Variants in EDEM1 observed in about 807,000 individuals in gnomAD.
EDEM1 encodes the protein ER degradation-enhancing alpha-mannosidase-like protein 1.
A neutral mutation model predicts 74.4 loss-of-function variants in EDEM1; 67 were observed. The ratio of observed to expected loss-of-function variants is 0.90; its 90% CI spans 0.74 to 1.10. EDEM1 has a LOEUF of 1.10. Ranked by LOEUF, EDEM1 falls within the 50% of genes least tolerant of loss-of-function variation. The probability of loss-of-function intolerance (pLI) is 0.00; values close to 1 mark genes in which losing one functional copy is unlikely to be tolerated. For synonymous variants in EDEM1, 382 were observed against 335.9 expected (o/e 1.14, Z -1.50); for missense variants, 926 against 851.6 (o/e 1.09, Z -1.09).
intron 7 of EDEM1, among the ~76,000 whole-genome samples, 165 bp downstream of exon 7, chr3:5,207,438 A>G (rs1317766311): frequency 6.6e-6 from 1 of 152,178 alleles, no homozygotes; most frequent in African/African-American, 2.4e-5. Context: ...AGTCTCCAGA[A>G]TATTGAACAG....
At position 5,208,129 on chromosome 3, in the gene EDEM1, C is replaced by A. The variant is rs1303576853; in HGVS notation, c.1375C>A (p.His459Asn). 3 of 1,607,512 alleles carry A rather than the reference C, an allele frequency of 1.9e-6. No homozygotes were observed. The highest frequency in any genetic ancestry group is 2.5e-6 in the Non-Finnish European group (3 of 1,178,296). The change falls in exon 8 of 12, where the codon CAT (histidine) becomes AAT (asparagine). Residue 459 changes from histidine (H) to asparagine (N), a missense_variant. His to Asn is a moderately conservative substitution (Grantham distance 68). Coordinates refer to ENST00000256497, the MANE Select transcript of EDEM1 (RefSeq NM_014674.3). ...IGDVEDAICLHAFYYAIWKRY... is the reference protein window; with the variant it reads ...IGDVEDAICLNAFYYAIWKRY... ...AGATGTGGAAGATGCCATCTGCCTT[C>A]ATGCCTTCTACTATGCCATATGGAA...
intron 3 of EDEM1, among the ~76,000 whole-genome samples, chr3:5,201,397 C>G (rs1438279125): frequency 6.6e-6 from 1 of 152,074 alleles, no homozygotes; most frequent in African/African-American, 2.4e-5. Flanking sequence ...TCAAGAGATG[C>G]ATCTCTCTTG....
chr3:5,210,971 A>G lies in EDEM1; in HGVS notation c.1584-149A>G, dbSNP rs1281822610. 66 of 724,028 alleles carry G rather than the reference A, an allele frequency of 9.1e-5. No individual in the cohort carries two copies. The East Asian group carries it at 1.8e-3, about 20-fold the overall frequency. The allele number at this position is 724,028 out of a possible 1,614,324, so 44.9% of individuals were successfully genotyped here. On this transcript the variant is annotated intron_variant, in intron 9 of 11. Coordinates refer to ENST00000256497, the MANE Select transcript of EDEM1 (RefSeq NM_014674.3). ...TAAATTTGCAAACAACCCAGGCTAT[A>G]AAAAAGGAGAGCCCCTCAATGTAAA... is the stretch of plus-strand genomic sequence containing the variant.
chr3:5,188,366 C>T, intron 1 of EDEM1, 52 bp downstream of exon 1: 1 of 1,364,526 alleles, frequency 7.3e-7, no homozygotes, highest in Non-Finnish European at 9.5e-7. Context: ...TCCTTCCGCC[C>T]TCCGCGCCGG....
Position 5,199,624 on chromosome 3 carries a change from C to A in EDEM1, c.615C>A (p.Ala205=), listed in dbSNP as rs410509. ...IMGNSSEFQK[A]VKLVINTVSF... is the part of the protein sequence containing the mutation. ...GAAATTCATCCGAGTTCCAGAAAGC[C>A]GTCAAGTTAGTGATCAACACAGTTT... Residue 205 remains alanine, a synonymous_variant, in exon 3 of 12, where the codon GCC becomes GCA. Coordinates refer to ENST00000256497, the MANE Select transcript of EDEM1 (RefSeq NM_014674.3). 0.97 allele frequency: 1,557,621 copies of A among 1,613,392 alleles called. 752,632 individuals are homozygous for A. The highest frequency in any genetic ancestry group is 0.98 in the Admixed American group (58,707 of 59,896).
chr3:5,208,741 GTT>G (rs1487990399), intron 8 of EDEM1, among the ~76,000 whole-genome samples: 4 of 150,406 alleles, frequency 2.7e-5, no homozygotes, highest in South Asian at 4.2e-4. Context: ...TAATGTTTGT[GTT>G]TGTGTGTGTG....
At chr3:5,194,694 AAAG>A (rs768457305) in intron 1 of EDEM1, among the ~76,000 whole-genome samples, 15 of 152,256 alleles carry the variant, frequency 9.9e-5, no homozygotes, top group Non-Finnish European at 2.2e-4. Context: ...GAAATGGTGT[AAAG>A]AAGTTAATTT....
intron 10 of EDEM1, among the ~76,000 whole-genome samples, chr3:5,211,627 C>T: frequency 6.6e-6 from 1 of 151,496 alleles, no homozygotes; most frequent in East Asian, 1.9e-4. Flanking sequence ...TGTCCATACA[C>T]ACATCCTCAG....
At chr3:5,208,392 C>A (rs940687596) in intron 8 of EDEM1, 129 bp downstream of exon 8, 3 of 1,107,808 alleles carry the variant, frequency 2.7e-6, no homozygotes, top group Non-Finnish European at 3.8e-6. Context: ...TGAGTTACCC[C>A]CTATCCGTAG....
At chr3:5,211,487 T>C (rs1412820772) in intron 10 of EDEM1, 9 of 375,126 alleles carry the variant, frequency 2.4e-5, no homozygotes, top group Non-Finnish European at 3.6e-5. Context: ...ACAGAACCAG[T>C]GTTAGTTCTG....
intron 1 of EDEM1, among the ~76,000 whole-genome samples, chr3:5,192,231 G>A (rs189138446): frequency 2.9e-3 from 449 of 152,264 alleles, no homozygotes; most frequent in Non-Finnish European, 4.1e-3. Flanking sequence ...GAGTACTGTT[G>A]TGTATTCACC....
At chr3:5,214,359 C>T (rs540620980) in intron 11 of EDEM1, among the ~76,000 whole-genome samples, 16 of 152,288 alleles carry the variant, frequency 1.1e-4, no homozygotes, top group Middle Eastern at 3.4e-3. Flanking sequence ...CTCTCATCGC[C>T]GACTGTGCTT....
Position 5,213,359 on chromosome 3 carries a change from G to C in EDEM1, c.1721G>C (p.Arg574Thr). Residue 574 changes from arginine (R) to threonine (T), a missense_variant, in exon 11 of 12, where the codon AGA becomes ACA. Transcript: ENST00000256497. ...EDNPVHKSGT[R>T]YMFTTEGHIV... ...AATCCAGTACACAAGTCTGGAACCA[G>C]ATACATGTTCACAACAGAGGGACAC... The C allele has an allele frequency of 6.2e-7, 1 of 1,614,046 alleles. No homozygotes were observed. The highest frequency in any genetic ancestry group is 8.5e-7 in the Non-Finnish European group (1 of 1,179,980).
chr3:5,197,134 C>T (rs1341465998), intron 2 of EDEM1, among the ~76,000 whole-genome samples: 4 of 150,298 alleles, frequency 2.7e-5, no homozygotes, highest in African/African-American at 9.8e-5. Flanking sequence ...TGTTGTTCAC[C>T]ATACTCTCCC....
At chr3:5,206,774 A>G (rs1388579987) in intron 6 of EDEM1, among the ~76,000 whole-genome samples, 2 of 152,218 alleles carry the variant, frequency 1.3e-5, no homozygotes, top group African/African-American at 2.4e-5. Flanking sequence ...ACATTACTAG[A>G]GAAGAGACTC....
At chr3:5,194,036 C>A (rs2054933487) in intron 1 of EDEM1, among the ~76,000 whole-genome samples, 1 of 152,196 alleles carries the variant, frequency 6.6e-6, no homozygotes, top group Admixed American at 6.5e-5. Context: ...CCAGCTGAGG[C>A]ACAGGCCTTT....
intron 10 of EDEM1, among the ~76,000 whole-genome samples, chr3:5,212,585 AG>A (rs1182290894): frequency 2.6e-5 from 4 of 152,350 alleles, no homozygotes; most frequent in African/African-American, 9.6e-5. Flanking sequence ...AACATTGACA[AG>A]CTGCACTGAA....
intron 2 of EDEM1, among the ~76,000 whole-genome samples, chr3:5,198,919 C>T (rs531927653): frequency 1.3e-5 from 2 of 152,242 alleles, no homozygotes; most frequent in Admixed American, 6.5e-5. Context: ...AACTGTGCTT[C>T]ACATAGGAGA....
chr3:5,205,264 C>T (rs376750666), intron 6 of EDEM1, 23 bp downstream of exon 6: 52 of 1,599,646 alleles, frequency 3.3e-5, no homozygotes, highest in African/African-American at 2.2e-4. Flanking sequence ...AACATCTCCT[C>T]TGTTGCCTTG....
Sources: gnomAD v4.1 joint callset for allele counts (sites outside exome capture counted in the v4.1 genomes callset) on GRCh38, gnomAD v4.1.1 for gene constraint, MANE v1.5 for transcripts, NCBI Gene and HGNC (gene_info 2026-07-23, HGNC 2026-07-21) for gene names.